USH2A: variants seen among roughly 807,000 people sequenced by gnomAD.
USH2A encodes usherin.
Under a neutral mutation model 538.9 loss-of-function variants are expected in USH2A, and 443 were observed. The observed-to-expected ratio is 0.82, with a 90% CI of 0.76 to 0.89. The LOEUF (loss-of-function observed/expected upper bound fraction) is 0.89, where lower values mean the gene tolerates loss of function less well. Ranked by LOEUF, USH2A falls within the 40% of genes least tolerant of loss-of-function variation. The pLI is 0.00. For missense variants in USH2A, 6,633 were observed against 6,324.8 expected (o/e 1.05, Z -1.65); for synonymous variants, 2,413 against 2,273.5 (o/e 1.06, Z -1.75).
intron 50 of USH2A, among the ~76,000 whole-genome samples, chr1:215,793,867 G>A (rs1327126239): frequency 6.6e-6 from 1 of 152,046 alleles, no homozygotes. Context: ...AGTTTCCCAT[G>A]GCTAATAGAA....
intron 35 of USH2A, among the ~76,000 whole-genome samples, chr1:215,990,767 T>TA: frequency 6.9e-6 from 1 of 144,740 alleles, no homozygotes; most frequent in South Asian, 2.3e-4. Context: ...TTCCTTTTTT[T>TA]TTTTTTTTTT....
At chr1:215,713,153 G>T (rs1659387163) in intron 61 of USH2A, among the ~76,000 whole-genome samples, 1 of 152,156 alleles carries the variant, frequency 6.6e-6, no homozygotes, top group East Asian at 1.9e-4. Flanking sequence ...AGTATCTCCA[G>T]ACAGGACCCT....
chr1:215,727,882 C>T, intron 61 of USH2A, 148 bp downstream of exon 61: 2 of 923,124 alleles, frequency 2.2e-6, no homozygotes, highest in Non-Finnish European at 3.3e-6. Context: ...TATCTTATCC[C>T]CGTGACTACA....
chr1:216,395,490 T>G (rs2039194926), intron 3 of USH2A, among the ~76,000 whole-genome samples: 1 of 152,260 alleles, frequency 6.6e-6, no homozygotes, highest in Non-Finnish European at 1.5e-5. Context: ...TCTTATTTCA[T>G]GCTTTGATAA....
chr1:216,168,652 T>C (rs2034216884), intron 21 of USH2A, among the ~76,000 whole-genome samples: 1 of 152,154 alleles, frequency 6.6e-6, no homozygotes, highest in Admixed American at 6.5e-5. Context: ...AATGATGGTT[T>C]AGAAGCCGTG....
Position 216,072,929 on chromosome 1 carries a change from T to C in USH2A, c.5817A>G (p.Ser1939=), listed in dbSNP as rs779180333. 2 of 1,613,890 alleles carry C rather than the reference T, an allele frequency of 1.2e-6. No individual in the cohort carries two copies. The highest frequency in any genetic ancestry group is 3.3e-5 in the Admixed American group (2 of 59,992). The part of the protein sequence containing the change: ...YRVIASHEGG[S]VYSDWSRGRT... ...GTCCTCGACTCCAATCACTATATAC[T>C]GAACCTCCTTCATGCGAGGCTATCA... Residue 1939 remains serine (S), a synonymous_variant, in exon 29 of 72, where the codon TCA becomes TCG. Coordinates refer to ENST00000307340, the MANE Select transcript of USH2A (RefSeq NM_206933.4).
Position 215,786,817 on chromosome 1 carries a change from C to T in USH2A, c.10240G>A (p.Gly3414Ser). ...PASMEATEHC[G>S]RCDFNFTSHI... ...CTGGTAAAGTTGAAGTCACACCTGC[C>T]ACAATGTTCTGTGGCTTCCATAGAT... The change falls in exon 52 of 72, where the codon GGC becomes AGC. Residue 3414 changes from glycine to serine, a missense_variant. Coordinates refer to ENST00000307340, the MANE Select transcript of USH2A (RefSeq NM_206933.4). The T allele has an allele frequency of 6.2e-7, 1 of 1,613,876 alleles. No individual in the cohort carries two copies.
intron 3 of USH2A, among the ~76,000 whole-genome samples, chr1:216,377,688 G>T (rs2038848062): frequency 6.8e-6 from 1 of 147,636 alleles, no homozygotes; most frequent in Admixed American, 6.8e-5. Context: ...AAGGGAAGGG[G>T]AGGGGAGAGC....
chr1:215,785,293 A>T (rs1661767136), intron 52 of USH2A, among the ~76,000 whole-genome samples: 1 of 152,176 alleles, frequency 6.6e-6, no homozygotes, highest in Non-Finnish European at 1.5e-5. Flanking sequence ...CTTGAGTAGG[A>T]TGATAAAGGA....
intron 21 of USH2A, among the ~76,000 whole-genome samples, chr1:216,169,589 T>C (rs553159862): frequency 6.6e-6 from 1 of 152,266 alleles, no homozygotes; most frequent in East Asian, 1.9e-4. Flanking sequence ...CTAGTTATCA[T>C]GAGTCAGTGT....
At chr1:216,075,287 C>T (rs544679446) in intron 27 of USH2A, among the ~76,000 whole-genome samples, 1 of 152,188 alleles carries the variant, frequency 6.6e-6, no homozygotes, top group Admixed American at 6.5e-5. Flanking sequence ...CCAGTGGCAA[C>T]CAAAGAGTTC....
intron 68 of USH2A, 41 bp from the exon 69 acceptor site, chr1:215,639,279 A>G (rs1558033326): frequency 6.3e-7 from 1 of 1,590,280 alleles, no homozygotes; most frequent in Non-Finnish European, 8.6e-7. Flanking sequence ...TGTTCATTCA[A>G]CACCTACAAA....
chr1:216,155,100 T>G (rs996741378), intron 21 of USH2A, among the ~76,000 whole-genome samples: 1 of 152,136 alleles, frequency 6.6e-6, no homozygotes, highest in African/African-American at 2.4e-5. Flanking sequence ...GACTCCATCT[T>G]GCTTCTAACC....
intron 32 of USH2A, among the ~76,000 whole-genome samples, chr1:216,043,730 G>A (rs1427471901): frequency 1.3e-5 from 2 of 152,146 alleles, no homozygotes; most frequent in Non-Finnish European, 2.9e-5. Context: ...TCCCTACACT[G>A]CCCTTTTTCC....
chr1:215,781,590 G>C (rs1245373529), intron 54 of USH2A, among the ~76,000 whole-genome samples: 1 of 152,090 alleles, frequency 6.6e-6, no homozygotes, highest in South Asian at 2.1e-4. Context: ...TCTTGACAAG[G>C]CTATAGCAGA....
intron 69 of USH2A, among the ~76,000 whole-genome samples, chr1:215,638,255 TG>T (rs1656562969): frequency 6.6e-6 from 1 of 152,164 alleles, no homozygotes; most frequent in African/African-American, 2.4e-5. Flanking sequence ...ACAGGGTTTG[TG>T]GTTAGGAGAA....
At chr1:216,208,324 C>T (rs886448185) in intron 15 of USH2A, among the ~76,000 whole-genome samples, 1 of 152,104 alleles carries the variant, frequency 6.6e-6, no homozygotes, top group East Asian at 1.9e-4. Context: ...ACAACCTAAT[C>T]AAACATTCTC....
chr1:216,290,297 C>T (rs956589358), intron 10 of USH2A, among the ~76,000 whole-genome samples: 1 of 152,052 alleles, frequency 6.6e-6, no homozygotes, highest in Non-Finnish European at 1.5e-5. Context: ...TAGATATTGG[C>T]TATTGAGCTA....
chr1:215,888,036 G>A (rs1665109372), intron 41 of USH2A, among the ~76,000 whole-genome samples: 1 of 152,068 alleles, frequency 6.6e-6, no homozygotes, highest in South Asian at 2.1e-4. Context: ...TTGATTCTTT[G>A]ATTATTAAAA....
Sources: gnomAD v4.1 joint callset for allele counts (sites outside exome capture counted in the v4.1 genomes callset) on GRCh38, gnomAD v4.1.1 for gene constraint, MANE v1.5 for transcripts, NCBI Gene and HGNC (gene_info 2026-07-23, HGNC 2026-07-21) for gene names.